The following CARMIL3 variants were observed in gnomAD, a reference collection of about 807,000 sequenced individuals.
CARMIL3 encodes capping protein, Arp2/3 and myosin-I linker protein 3.
In CARMIL3, 88 loss-of-function variants were observed where a neutral mutation model predicts 180.8. The ratio of observed to expected loss-of-function variants is 0.49; its 90% CI spans 0.41 to 0.58. CARMIL3 has a LOEUF of 0.58. Among genes scored for constraint, CARMIL3 ranks in the 20% least tolerant of loss-of-function variants. The probability of loss-of-function intolerance (pLI) is 0.00; values close to 1 mark genes in which losing one functional copy is unlikely to be tolerated. For synonymous variants in CARMIL3, 696 were observed against 714.5 expected, an observed-to-expected ratio of 0.97 and a Z score of 0.41; for missense variants, 1,548 against 1,787.0, an observed-to-expected ratio of 0.87 and a Z score of 2.41.
intron 34 of CARMIL3, 142 bp downstream of exon 34, chr14:24,065,892 C>T (rs1180014677): frequency 3.9e-5 from 47 of 1,211,438 alleles, no homozygotes; most frequent in Non-Finnish European, 4.8e-5. Context: ...TCTTCAGCCC[C>T]CACCACACAC....
chr14:24,058,330 AC>A lies in CARMIL3; in HGVS notation c.1392+111del, dbSNP rs2035696247. ...CTAGCCTCTGTGCTGACCCTCTGCG[AC>A]CCCCTGACCTGGCCACACCACCACT... On this transcript the variant is annotated intron_variant, in intron 17 of 39. Coordinates refer to ENST00000342740, the MANE Select transcript of CARMIL3 (RefSeq NM_138360.4). This position sits in a 1 kb window ranked among gnomAD's most constrained non-coding sequence, Gnocchi z 6.4. 4.9e-6 allele frequency: 6 copies of A among 1,231,620 alleles called. No individual in the cohort carries two copies. Among genetic ancestry groups the A allele is most frequent in the East Asian group, 2.6e-5 (1 of 38,738 alleles). The allele number at this position is 1,231,620 out of a possible 1,614,324, so 76.3% of individuals were successfully genotyped here. A position where few individuals can be genotyped will look rare whatever the true frequency, so the allele number is the denominator to read the frequency against.
chr14:24,059,201 G>C lies in CARMIL3; in HGVS notation c.1626+12G>C. 1 of 1,613,528 alleles carries C rather than the reference G, an allele frequency of 6.2e-7. No individual in the cohort carries two copies. The highest frequency in any genetic ancestry group is 8.5e-7 in the Non-Finnish European group (1 of 1,179,854). On this transcript the variant is annotated intron_variant, in intron 20 of 39. Coordinates refer to ENST00000342740, the MANE Select transcript of CARMIL3 (RefSeq NM_138360.4). The surrounding 1 kb of genome is among the most constrained non-coding windows in gnomAD (Gnocchi z 6.3). ...AGGAAGAGGACTGTGTGAGTGCCTG[G>C]GCCTGGGAGGGGACCTGCAGTCGGA...
Position 24,061,161 on chromosome 14 carries a change from G to A in CARMIL3, c.2304+121G>A. ...GGGCCAGGAGGACATGCAGAGTTGA[G>A]ACCACCCACGCTCCCACTGTACCAA... On this transcript the variant is annotated intron_variant, in intron 26 of 39. Coordinates refer to ENST00000342740, the MANE Select transcript of CARMIL3 (RefSeq NM_138360.4). This position sits in a 1 kb window ranked among gnomAD's most constrained non-coding sequence, Gnocchi z 4.1. 1.2e-6 allele frequency: 1 copy of A among 819,582 alleles called. No individual in the cohort carries two copies. The highest frequency in any genetic ancestry group is 1.7e-5 in the South Asian group (1 of 59,896). The allele number at this position is 819,582 out of a possible 1,614,324, so 50.8% of individuals were successfully genotyped here.
intron 33 of CARMIL3, 103 bp downstream of exon 33, chr14:24,065,376 G>T: frequency 5.8e-6 from 7 of 1,210,906 alleles, no homozygotes; most frequent in Non-Finnish European, 7.9e-6. Flanking sequence ...TAGGACCCAG[G>T]GTTCTTGGGA....
chr14:24,052,481 C>T (rs2035626931), intron 1 of CARMIL3, among the ~76,000 whole-genome samples: 1 of 152,210 alleles, frequency 6.6e-6, no homozygotes, highest in Non-Finnish European at 1.5e-5. Context: ...CTCGGCGTTC[C>T]TAGCCCACCC....
At chr14:24,066,689 G>A in intron 36 of CARMIL3, 33 bp downstream of exon 36, 1 of 1,609,338 alleles carries the variant, frequency 6.2e-7, no homozygotes, top group Non-Finnish European at 8.5e-7. Flanking sequence ...CAGCAGTACT[G>A]AAAGCCCAGG....
chr14:24,057,021 CA>C lies in CARMIL3; in HGVS notation c.1061del (p.Asn354MetfsTer72), dbSNP rs1245059224. On this transcript the variant is annotated frameshift_variant and splice_region_variant, in exon 13 of 40. Coordinates refer to ENST00000342740, the MANE Select transcript of CARMIL3 (RefSeq NM_138360.4). LOFTEE classifies it high-confidence loss of function. ...CTGGGCTCCTCGCCACGGATGAGGC[CA>C]ATGTGAGTCCTCAGAACAGCCTCAG... ...NPGLLATDEA[N>X]ALYSFLAQPN... 6.2e-7 allele frequency: 1 copy of C among 1,612,860 alleles called. No individual in the cohort carries two copies. Among genetic ancestry groups the C allele is most frequent in the South Asian group, 1.1e-5 (1 of 90,828 alleles).
chr14:24,063,000 C>T (rs1594552565), intron 29 of CARMIL3, 120 bp from the exon 30 acceptor site: 1 of 1,538,872 alleles, frequency 6.5e-7, no homozygotes, highest in Non-Finnish European at 8.9e-7. Context: ...CCTCTTCCCT[C>T]ATCCCAGTGC....
rs1566539127 is a variant in CARMIL3 at position 24,056,728 on chromosome 14, CT to C, written c.952+21del. On this transcript the variant is annotated intron_variant, in intron 12 of 39. Transcript: ENST00000342740. ...CTCGAGGTACTCGCACCAAGGACCC[CT>C]GACCTCTGACCCTACCCTGGTGCTG... The C allele has an allele frequency of 6.2e-7, 1 of 1,609,228 alleles. No individual in the cohort carries two copies. Among genetic ancestry groups the C allele is most frequent in the East Asian group, 2.2e-5 (1 of 44,868 alleles).
chr14:24,065,683 G>C lies in CARMIL3; in HGVS notation c.3458G>C (p.Arg1153Thr), dbSNP rs762614086. 6 of 1,614,104 alleles carry C rather than the reference G, an allele frequency of 3.7e-6. No homozygotes were observed. In the South Asian group the frequency reaches 5.5e-5, roughly 15 times the overall value. ...GCCCCTGGGACAGCACAGCAGCCAAGGGTTCACGGTGTTGCCCTTCCCGGG... is the reference window on the plus strand; with the variant it reads ...GCCCCTGGGACAGCACAGCAGCCAACGGTTCACGGTGTTGCCCTTCCCGGG... ...GPAPGTAQQP[R>T]VHGVALPGLE... Residue 1153 changes from arginine to threonine, a missense_variant, in exon 34 of 40, where the codon AGG becomes ACG. Physicochemically the swap from Arg to Thr is moderately conservative, Grantham distance 71 (BLOSUM62 -1). This residue lies in a region of CARMIL3 where 668 missense variants were observed against 687.8 expected (regional missense o/e 0.97). Transcript: ENST00000342740.
Position 24,057,196 on chromosome 14 carries a change from C to A in CARMIL3, c.1092C>A (p.Asn364Lys), listed in dbSNP as rs201279262. Residue 364 changes from asparagine (N) to lysine (K), a missense_variant, in exon 14 of 40, where the codon AAC (asparagine) becomes AAA (lysine). This residue lies in a region of CARMIL3 where 578 missense variants were observed against 666.5 expected (regional missense o/e 0.87). Transcript: ENST00000342740. ...TCTACAGTTTCCTGGCCCAACCCAACGCCCTGGTGCACCTGGACCTGTCAG... is the reference window on the plus strand; with the variant it reads ...TCTACAGTTTCCTGGCCCAACCCAAAGCCCTGGTGCACCTGGACCTGTCAG... ...NALYSFLAQP[N>K]ALVHLDLSGT... 65 of 1,614,014 alleles carry A rather than the reference C, an allele frequency of 4.0e-5. No homozygotes were observed.
Position 24,068,971 on chromosome 14 carries a change from GC to G in CARMIL3, c.3982+7del. On this transcript the variant is annotated splice_donor_region_variant and intron_variant, in intron 38 of 39. Transcript: ENST00000342740. ...AAGAGGAGCCCGAAGTCCAAGGTCTGCCACCCTGGCTGAGTGGGGGGCTCAG... is the reference window on the plus strand; with the variant it reads ...AAGAGGAGCCCGAAGTCCAAGGTCTGCACCCTGGCTGAGTGGGGGGCTCAG... 1 of 1,548,432 alleles carries G rather than the reference GC, an allele frequency of 6.5e-7. No homozygotes were observed. The highest frequency in any genetic ancestry group is 8.7e-7 in the Non-Finnish European group (1 of 1,144,564).
In CARMIL3 at chr14:24,065,245, G is replaced by C. The variant is rs199881767; in HGVS notation, c.3368G>C (p.Gly1123Ala). 11 of 1,545,186 alleles carry C rather than the reference G, an allele frequency of 7.1e-6. No individual in the cohort carries two copies. Among genetic ancestry groups the C allele is most frequent in the Non-Finnish European group, 9.5e-6 (11 of 1,153,930 alleles). ...AGCCTCCTCCCTGGATTTGGTGGGG[G>C]CCGGGGACCTTCCTTCCGCCGGAAG... is the stretch of plus-strand genomic sequence containing the variant. ...ESSLLPGFGGGRGPSFRRKMG... is the reference protein window; with the variant it reads ...ESSLLPGFGGARGPSFRRKMG... The change falls in exon 33 of 40, where the codon GGC (glycine) becomes GCC (alanine). Residue 1123 changes from glycine to alanine, a missense_variant. Transcript: ENST00000342740.
intron 29 of CARMIL3, 95 bp from the exon 30 acceptor site, chr14:24,063,025 G>A: frequency 6.4e-7 from 1 of 1,555,428 alleles, no homozygotes; most frequent in Non-Finnish European, 8.8e-7. Flanking sequence ...GCCCCCTGAG[G>A]AGCGAGGGGC....
chr14:24,058,575 C>A lies in CARMIL3; in HGVS notation c.1393-105C>A. 1.1e-6 allele frequency: 1 copy of A among 880,756 alleles called. No individual in the cohort carries two copies. Among genetic ancestry groups the A allele is most frequent in the Non-Finnish European group, 1.8e-6 (1 of 570,564 alleles). The allele number at this position is 880,756 out of a possible 1,614,324, so 54.6% of individuals were successfully genotyped here. A position where few individuals can be genotyped will look rare whatever the true frequency, so the allele number is the denominator to read the frequency against. On this transcript the variant is annotated intron_variant, in intron 17 of 39. Coordinates refer to ENST00000342740, the MANE Select transcript of CARMIL3 (RefSeq NM_138360.4). This position sits in a 1 kb window ranked among gnomAD's most constrained non-coding sequence, Gnocchi z 6.4. ...AGTCTCCCTGATTTTACACCCAGAT[C>A]CTGGCATGACTTTGAGTTCTGGTGT... is the stretch of plus-strand genomic sequence containing the variant.
In CARMIL3 at chr14:24,068,838, G is replaced by A; in HGVS notation, c.3854G>A (p.Arg1285Lys). 6.2e-7 allele frequency: 1 copy of A among 1,613,586 alleles called. No homozygotes were observed. Among genetic ancestry groups the A allele is most frequent in the Admixed American group, 1.7e-5 (1 of 60,012 alleles). ...PWPPKPVAVP[R>K]GRQPPQEPGV... ...CCTCCCAAGCCAGTGGCTGTGCCCA[G>A]GGGCCGCCAGCCTCCCCAGGAGCCA... Residue 1285 changes from arginine (R) to lysine (K), a missense_variant, in exon 38 of 40, where the codon AGG becomes AAG. Coordinates refer to ENST00000342740, the MANE Select transcript of CARMIL3 (RefSeq NM_138360.4).
rs778554440 is a variant in CARMIL3 at position 24,062,816 on chromosome 14, G to A, written c.2676G>A (p.Glu892=). Residue 892 remains glutamate (E), a synonymous_variant, in exon 29 of 40, where the codon GAG becomes GAA. Transcript: ENST00000342740. ...RGRGRNHDHE[E]TTDDELGTNI... is the part of the protein sequence containing the mutation. ...GAGGCCGGAACCATGACCATGAGGA[G>A]ACCACAGATGATGAACTTGGGACCA... is the stretch of plus-strand genomic sequence containing the variant. 27 of 1,611,848 alleles carry A rather than the reference G, an allele frequency of 1.7e-5. No homozygotes were observed. The South Asian group carries it at 3.0e-4, about 18-fold the overall frequency.
chr14:24,053,057 C>T (rs755913184), intron 1 of CARMIL3, among the ~76,000 whole-genome samples: 3 of 148,920 alleles, frequency 2.0e-5, no homozygotes, highest in Non-Finnish European at 4.4e-5. Context: ...CCAGCACACG[C>T]GCGTGCACAC....
chr14:24,063,511 C>T lies in CARMIL3; in HGVS notation c.2957C>T (p.Pro986Leu). The T allele has an allele frequency of 1.2e-6, 2 of 1,612,642 alleles. No homozygotes were observed. Among genetic ancestry groups the T allele is most frequent in the Non-Finnish European group, 1.7e-6 (2 of 1,179,774 alleles). The change falls in exon 31 of 40, where the codon CCT (proline) becomes CTT (leucine). Residue 986 changes from proline to leucine, a missense_variant. This residue lies in a region of CARMIL3 where 668 missense variants were observed against 687.8 expected (regional missense o/e 0.97). Coordinates refer to ENST00000342740, the MANE Select transcript of CARMIL3 (RefSeq NM_138360.4). ...AGGCCCCGCCCCCCCAGGACCACAC[C>T]TCCAGGACCTGGTCGACCCAGTGTG... ...QGRPRPPRTT[P>L]PGPGRPSMPA... is the part of the protein sequence containing the mutation.
Sources: gnomAD v4.1 joint callset for allele counts (sites outside exome capture counted in the v4.1 genomes callset) on GRCh38, gnomAD v4.1.1 for gene constraint, gnomAD v4.1.1 regional missense constraint, Gnocchi (gnomAD v3.1) non-coding constraint, MANE v1.5 for transcripts, NCBI Gene and HGNC (gene_info 2026-07-23, HGNC 2026-07-21) for gene names.